TDRD5: variants seen among roughly 807,000 people sequenced by gnomAD.
TDRD5 encodes tudor domain-containing protein 5.
TDRD5 carries 41 observed loss-of-function variants against 120.6 expected under a neutral mutation model. The ratio of observed to expected loss-of-function variants is 0.34; its 90% CI spans 0.26 to 0.44. The LOEUF is 0.44. TDRD5 is among the 20% of genes least tolerant of loss of function. The pLI, the probability that TDRD5 is intolerant of heterozygous loss-of-function variation, is 1.00. For synonymous variants in TDRD5, 430 were observed against 433.7 expected (o/e 0.99, Z 0.11); for missense variants, 1,006 against 1,221.2 (o/e 0.82, Z 2.63).
intron 1 of TDRD5, 137 bp downstream of exon 1, chr1:179,592,262 TTGCGTTGGCC>T: frequency 4.7e-6 from 1 of 212,348 alleles, no homozygotes; most frequent in Non-Finnish European, 9.5e-6. Context: ...GGAGGCGGCA[TTGCGTTGGCC>T]TTAGTTCCTA....
intron 11 of TDRD5, among the ~76,000 whole-genome samples, chr1:179,642,929 T>A (rs1678132902): frequency 1.3e-5 from 2 of 152,230 alleles, no homozygotes; most frequent in Admixed American, 6.5e-5. Context: ...TTTCTGAGAA[T>A]CTGCAGTCTT....
intron 3 of TDRD5, among the ~76,000 whole-genome samples, chr1:179,594,971 G>A (rs545821122): frequency 6.6e-6 from 1 of 152,270 alleles, no homozygotes; most frequent in Non-Finnish European, 1.5e-5. Context: ...CCTTTCCAGT[G>A]ATTTTGTTCA....
intron 6 of TDRD5, among the ~76,000 whole-genome samples, chr1:179,623,625 C>A (rs201685476): frequency 1.0e-5 from 1 of 97,898 alleles, no homozygotes; most frequent in Non-Finnish European, 1.9e-5. Context: ...CCAACTCATT[C>A]TTTTTTTTTT....
chr1:179,650,767 C>T, intron 11 of TDRD5, 100 bp from the exon 12 acceptor site: 1 of 1,218,320 alleles, frequency 8.2e-7, no homozygotes, highest in Non-Finnish European at 1.2e-6. Flanking sequence ...GTTTTATTTC[C>T]ACTTAAATCT....
chr1:179,687,802 CTTCT>C (rs1395787123), intron 17 of TDRD5, among the ~76,000 whole-genome samples: 2 of 150,466 alleles, frequency 1.3e-5, no homozygotes, highest in South Asian at 2.1e-4. Flanking sequence ...ATGTAATGGC[CTTCT>C]TTGTCTCTTT....
Position 179,652,111 on chromosome 1 carries a change from G to C in TDRD5, c.2074G>C (p.Glu692Gln). The change falls in exon 13 of 18, where the codon GAA becomes CAA. Residue 692 changes from glutamate to glutamine, a missense_variant. Transcript: ENST00000444136. ...SGGPEDIVLT[E>Q]LGYPSQQHYF... ...AGGGCCAGAGGACATTGTCTTGACA[G>C]AACTGGGTTATCCTTCCCAGCAGCA... is the stretch of plus-strand genomic sequence containing the variant. 6.2e-7 allele frequency: 1 copy of C among 1,614,044 alleles called. No individual in the cohort carries two copies. The highest frequency in any genetic ancestry group is 8.5e-7 in the Non-Finnish European group (1 of 1,180,000).
chr1:179,651,652 G>A (rs1049624430), intron 12 of TDRD5, among the ~76,000 whole-genome samples: 5 of 152,158 alleles, frequency 3.3e-5, no homozygotes, highest in Non-Finnish European at 5.9e-5. Flanking sequence ...GGTGGCTCAC[G>A]CCTGTAATCC....
At chr1:179,617,299 G>A (rs985522201) in intron 4 of TDRD5, among the ~76,000 whole-genome samples, 4 of 152,160 alleles carry the variant, frequency 2.6e-5, no homozygotes, top group Non-Finnish European at 5.9e-5. Flanking sequence ...GTTCCAGAGG[G>A]AGAATCCTGC....
At chr1:179,652,922 A>T (rs1202665728) in intron 13 of TDRD5, among the ~76,000 whole-genome samples, 1 of 152,222 alleles carries the variant, frequency 6.6e-6, no homozygotes, top group Non-Finnish European at 1.5e-5. Flanking sequence ...CAAGCTATGC[A>T]TATAATGTAT....
At chr1:179,653,793 G>A (rs915304696) in intron 13 of TDRD5, among the ~76,000 whole-genome samples, 3 of 152,128 alleles carry the variant, frequency 2.0e-5, no homozygotes, top group African/African-American at 7.2e-5. Flanking sequence ...CCAGTTCCTT[G>A]TGAATTCCTA....
At chr1:179,655,610 C>T (rs990052045) in intron 14 of TDRD5, among the ~76,000 whole-genome samples, 1 of 152,190 alleles carries the variant, frequency 6.6e-6, no homozygotes, top group African/African-American at 2.4e-5. Flanking sequence ...ATCACAGTCT[C>T]CCCACATCCC....
chr1:179,641,657 T>C (rs1325486525), intron 11 of TDRD5, among the ~76,000 whole-genome samples: 1 of 152,092 alleles, frequency 6.6e-6, no homozygotes, highest in Non-Finnish European at 1.5e-5. Flanking sequence ...GGAGCGAGGG[T>C]TTTTTGGTGT....
In TDRD5 at chr1:179,690,916, C is replaced by G. The variant is rs774952714; in HGVS notation, c.3081C>G (p.Tyr1027Ter). ...CATCCAGGAGCCTCCTACACTGGTACCCCAGTGTGAAAAGGATGGAAGCAT... is the reference window on the plus strand; with the variant it reads ...CATCCAGGAGCCTCCTACACTGGTAGCCCAGTGTGAAAAGGATGGAAGCAT... ...LATSRSLLHW[Y>*]PSVKRMEA Residue 1027 changes from tyrosine (Y) to a stop codon, truncating the protein, a stop_gained, in exon 18 of 18, where the codon TAC becomes TAG. Coordinates refer to ENST00000444136, the MANE Select transcript of TDRD5 (RefSeq NM_001199085.3). LOFTEE classifies it high-confidence loss of function. 4 of 1,613,202 alleles carry G rather than the reference C, an allele frequency of 2.5e-6. No individual in the cohort carries two copies. In the African/African-American group the frequency reaches 5.3e-5, roughly 22 times the overall value.
intron 5 of TDRD5, 89 bp from the exon 6 acceptor site, chr1:179,620,946 C>T: frequency 4.9e-6 from 5 of 1,010,250 alleles, no homozygotes; most frequent in South Asian, 1.8e-5. Flanking sequence ...GTTACTTTTG[C>T]CTTTGTTGTT....
intron 4 of TDRD5, among the ~76,000 whole-genome samples, chr1:179,618,145 T>C (rs1004805088): frequency 1.3e-5 from 2 of 152,192 alleles, no homozygotes; most frequent in African/African-American, 4.8e-5. Context: ...TCTTTGCTTC[T>C]ATTACAACAG....
rs553975392 is a variant in TDRD5, at chr1:179,621,458, A to G, written c.972+367A>G. Among the ~76,000 whole-genome samples, 16 of 152,222 alleles carry G rather than the reference A, an allele frequency of 1.1e-4. 1 individual carries two copies. In the East Asian group the frequency reaches 3.1e-3, roughly 30 times the overall value. On this transcript the variant is annotated intron_variant, in intron 6 of 17. Transcript: ENST00000444136. ...GGCATTATCAAGTAAAGTTGAAGGT[A>G]TGCACCCTCAGGGATCCAGTAGTTC...
At chr1:179,644,469 A>AC (rs1678230769) in intron 11 of TDRD5, among the ~76,000 whole-genome samples, 1 of 152,130 alleles carries the variant, frequency 6.6e-6, no homozygotes, top group Admixed American at 6.5e-5. Flanking sequence ...CCTAATATAT[A>AC]CTTGTTTATA....
chr1:179,629,828 G>T (rs1677335528), intron 6 of TDRD5, among the ~76,000 whole-genome samples: 1 of 151,952 alleles, frequency 6.6e-6, no homozygotes, highest in Non-Finnish European at 1.5e-5. Context: ...CATATGAAAT[G>T]TTTTCTGTTT....
chr1:179,596,773 T>C (rs1675415394), intron 4 of TDRD5, among the ~76,000 whole-genome samples: 1 of 152,236 alleles, frequency 6.6e-6, no homozygotes, highest in African/African-American at 2.4e-5. Context: ...GCCACTGTCA[T>C]TATTTGCATA....
Sources: allele counts gnomAD v4.1 joint callset (sites outside exome capture counted in the v4.1 genomes callset), GRCh38; gene constraint gnomAD v4.1.1; transcripts MANE v1.5; gene names NCBI Gene and HGNC (gene_info 2026-07-23, HGNC 2026-07-21).